Variants in PAX5 observed in about 807,000 individuals in gnomAD.
PAX5 encodes paired box 5.
A neutral mutation model predicts 43.7 loss-of-function variants in PAX5; 9 were observed. The observed-to-expected ratio is 0.21, with a 90% CI of 0.12 to 0.36. The LOEUF (loss-of-function observed/expected upper bound fraction) is 0.36, where lower values mean the gene tolerates loss of function less well. Among genes scored for constraint, PAX5 ranks in the 10% least tolerant of loss-of-function variants. PAX5 has a pLI of 1.00. For synonymous variants in PAX5, 228 were observed against 214.3 expected, an observed-to-expected ratio of 1.06 and a Z score of -0.56; for missense variants, 383 against 532.7, an observed-to-expected ratio of 0.72 and a Z score of 2.77.
chr9:36,914,945 G>A (rs777969928), intron 7 of PAX5, among the ~76,000 whole-genome samples: 2 of 152,136 alleles, frequency 1.3e-5, no homozygotes, highest in African/African-American at 2.4e-5. Context: ...TTACTTCAAA[G>A]TATATCTTAG....
At chr9:36,988,676 AAAAAAAAAAAGAG>A (rs1564047299) in intron 5 of PAX5, among the ~76,000 whole-genome samples, 1 of 134,186 alleles carries the variant, frequency 7.5e-6, no homozygotes, top group Non-Finnish European at 1.6e-5. Flanking sequence ...AAAAAAAAAA[AAAAAAAAAAAGAG>A]AGAGAGAGAG....
chr9:36,910,684 C>G (rs994291505), intron 7 of PAX5, among the ~76,000 whole-genome samples: 1 of 152,196 alleles, frequency 6.6e-6, no homozygotes, highest in Non-Finnish European at 1.5e-5. Context: ...AAGGAAATCA[C>G]TTCAACTGAG....
At chr9:36,930,216 C>CTTTTT (rs144710055) in intron 6 of PAX5, among the ~76,000 whole-genome samples, 2 of 85,538 alleles carry the variant, frequency 2.3e-5, no homozygotes, top group African/African-American at 4.7e-5. Flanking sequence ...GATGGATGTC[C>CTTTTT]TTTTTTTTTT....
intron 5 of PAX5, among the ~76,000 whole-genome samples, chr9:36,998,772 G>GA (rs1457823081): frequency 6.6e-6 from 1 of 152,162 alleles, no homozygotes; most frequent in Non-Finnish European, 1.5e-5. Context: ...TCCAAATTGA[G>GA]ATGTACTACA....
intron 6 of PAX5, among the ~76,000 whole-genome samples, chr9:36,943,248 G>A (rs931349648): frequency 5.3e-5 from 8 of 152,212 alleles, no homozygotes; most frequent in Admixed American, 4.6e-4. Context: ...GGCCAAGGGG[G>A]AGCCCAGGCA....
At chr9:36,950,606 C>G (rs562412030) in intron 6 of PAX5, among the ~76,000 whole-genome samples, 22 of 152,212 alleles carry the variant, frequency 1.4e-4, no homozygotes, top group Non-Finnish European at 2.8e-4. Flanking sequence ...AAGATGAGAG[C>G]TGCCTCTCTG....
chr9:36,878,777 T>C (rs4074255), intron 8 of PAX5, among the ~76,000 whole-genome samples: 87,840 of 152,080 alleles, frequency 0.58, 28,407 homozygotes, highest in East Asian at 0.74. Context: ...GATTTGGAAA[T>C]TTTGTTGGAA....
intron 8 of PAX5, among the ~76,000 whole-genome samples, chr9:36,862,734 G>T (rs1206013067): frequency 6.6e-6 from 1 of 152,176 alleles, no homozygotes; most frequent in Non-Finnish European, 1.5e-5. Flanking sequence ...GGTTCTTTAA[G>T]GTGGCTCCTT....
At chr9:36,918,593 G>A (rs1459353713) in intron 7 of PAX5, among the ~76,000 whole-genome samples, 1 of 152,060 alleles carries the variant, frequency 6.6e-6, no homozygotes, top group Non-Finnish European at 1.5e-5. Flanking sequence ...GGTCCAGGAG[G>A]TCAAGACCAG....
intron 9 of PAX5, among the ~76,000 whole-genome samples, chr9:36,844,891 G>T (rs1367188935): frequency 6.6e-6 from 1 of 152,182 alleles, no homozygotes. Context: ...TTTGCCACAC[G>T]TGCCTGAGAA....
At chr9:36,957,864 C>A (rs886428854) in intron 6 of PAX5, among the ~76,000 whole-genome samples, 1 of 152,174 alleles carries the variant, frequency 6.6e-6, no homozygotes. Context: ...AATTCTTATT[C>A]TCATCAAGAG....
chr9:36,952,556 G>A (rs982813109), intron 6 of PAX5, among the ~76,000 whole-genome samples: 61 of 151,738 alleles, frequency 4.0e-4, no homozygotes, highest in African/African-American at 1.1e-3. Flanking sequence ...GTTTCTTTAC[G>A]TCTCCTCTTC....
At chr9:36,932,111 C>CA (rs1028010285) in intron 6 of PAX5, among the ~76,000 whole-genome samples, 7 of 151,786 alleles carry the variant, frequency 4.6e-5, no homozygotes, top group Admixed American at 3.9e-4. Context: ...CCCATCTCCA[C>CA]AAAAAAATTA....
At chr9:36,855,390 T>C (rs745341180) in intron 8 of PAX5, among the ~76,000 whole-genome samples, 1 of 152,254 alleles carries the variant, frequency 6.6e-6, no homozygotes, top group Non-Finnish European at 1.5e-5. Flanking sequence ...GGCTATGCCA[T>C]GGCACATTTT....
intron 3 of PAX5, chr9:37,007,921 C>T (rs1017009259): frequency 1.3e-5 from 2 of 152,150 alleles, no homozygotes; most frequent in African/African-American, 4.8e-5. Flanking sequence ...GCTCTGTTGC[C>T]CAGGCTGGAG....
chr9:36,954,287 T>C (rs1489353571), intron 6 of PAX5, among the ~76,000 whole-genome samples: 1 of 152,228 alleles, frequency 6.6e-6, no homozygotes, highest in Non-Finnish European at 1.5e-5. Flanking sequence ...AGAAAACGTG[T>C]TGATTTTCCT....
intron 3 of PAX5, among the ~76,000 whole-genome samples, chr9:37,010,401 A>G (rs1838821890): frequency 6.6e-6 from 1 of 152,216 alleles, no homozygotes; most frequent in Admixed American, 6.5e-5. Context: ...CCAGACTCCC[A>G]GCCCCCATGC....
intron 8 of PAX5, among the ~76,000 whole-genome samples, chr9:36,861,882 G>A (rs1310360932): frequency 6.6e-6 from 1 of 152,104 alleles, no homozygotes; most frequent in Non-Finnish European, 1.5e-5. Flanking sequence ...TAGACTAAAG[G>A]GTCATGACTG....
intron 6 of PAX5, among the ~76,000 whole-genome samples, chr9:36,929,576 G>C (rs1365141525): frequency 1.1e-4 from 17 of 152,174 alleles, no homozygotes; most frequent in Admixed American, 1.0e-3. Flanking sequence ...TCTTTCTTAG[G>C]ATGTCATTTT....
Sources: allele counts gnomAD v4.1 joint callset (sites outside exome capture counted in the v4.1 genomes callset), GRCh38; gene constraint gnomAD v4.1.1; transcripts MANE v1.5; gene names NCBI Gene and HGNC (gene_info 2026-07-23, HGNC 2026-07-21).